TEX35: variants seen among roughly 807,000 people sequenced by gnomAD.
TEX35 encodes testis-expressed protein 35.
TEX35 carries 26 observed loss-of-function variants against 31.9 expected under a neutral mutation model. That is an observed-to-expected ratio of 0.81 (90% CI 0.60 to 1.13). TEX35 has a LOEUF of 1.13. Ranked by LOEUF, TEX35 falls within the 50% of genes most tolerant of loss-of-function variation. TEX35 has a pLI of 0.00. For missense variants in TEX35, 278 were observed against 273.5 expected (o/e 1.02, Z -0.12); for synonymous variants, 87 against 90.7 (o/e 0.96, Z 0.23).
At chr1:178,513,979 C>T (rs758099798) in intron 1 of TEX35, 48 bp from the exon 2 acceptor site, 3 of 1,603,896 alleles carry the variant, frequency 1.9e-6, no homozygotes, top group South Asian at 1.1e-5. Flanking sequence ...GTTCTCCTCC[C>T]CAATCCTGAT....
In TEX35 at chr1:178,522,487, A is replaced by G. The variant is rs1482570812; in HGVS notation, c.*47A>G. ...TGAGAGTAAAGAAGATACAGAGCAA[A>G]CAGTGTTTCAGAAACTGTCCTGCCC... On this transcript the variant is annotated 3_prime_UTR_variant, in exon 9 of 9. Transcript: ENST00000319416. The G allele has an allele frequency of 6.5e-7, 1 of 1,536,866 alleles. No individual in the cohort carries two copies. Among genetic ancestry groups the G allele is most frequent in the East Asian group, 2.4e-5 (1 of 40,912 alleles).
Position 178,513,172 on chromosome 1 carries a change from C to G in TEX35, c.-17C>G. ...GGCTGTTGTGGGGAGTTGAAGAACA[C>G]CCTGGCCTCCTCCATCATGTCGGCC... On this transcript the variant is annotated 5_prime_UTR_variant, in exon 1 of 9. Coordinates refer to ENST00000319416, the MANE Select transcript of TEX35 (RefSeq NM_032126.5). 1 of 1,613,976 alleles carries G rather than the reference C, an allele frequency of 6.2e-7. No homozygotes were observed. Among genetic ancestry groups the G allele is most frequent in the South Asian group, 1.1e-5 (1 of 91,074 alleles).
rs1649977059 is a variant in TEX35, at chr1:178,514,065, A to T, written c.78A>T (p.Pro26=). The stretch of plus-strand genomic sequence containing the variant: ...AGGCAGTTTGCCTGGAATTGAAGCC[A>T]GAGCCGACCAAAGTAAGAAGCCCTT... ...NYKAVCLELK[P]EPTKTFDYKA... The change falls in exon 2 of 9, where the codon CCA becomes CCT. Residue 26 remains proline, a synonymous_variant. Transcript: ENST00000319416. 6.2e-7 allele frequency: 1 copy of T among 1,614,114 alleles called. No individual in the cohort carries two copies. Among genetic ancestry groups the T allele is most frequent in the Admixed American group, 1.7e-5 (1 of 60,006 alleles).
In TEX35 at chr1:178,520,826, A is replaced by G; in HGVS notation, c.495A>G (p.Lys165=). ...ACAAGAAGACGATGGCACCACAAAA[A>G]ACAAAACAGGGCTCACTGGATCCCC... ...ALHKKTMAPQ[K]TKQGSLDPLH... is the part of the protein sequence containing the mutation. Residue 165 remains lysine, a synonymous_variant, in exon 7 of 9, where the codon AAA becomes AAG. Transcript: ENST00000319416. 2 of 1,614,122 alleles carry G rather than the reference A, an allele frequency of 1.2e-6. No homozygotes were observed. The highest frequency in any genetic ancestry group is 8.5e-7 in the Non-Finnish European group (1 of 1,180,022).
At chr1:178,523,260 A>G (rs894616331), downstream of TEX35, 1 of 699,638 alleles carries the variant, frequency 1.4e-6, no homozygotes, top group Admixed American at 2.0e-5. Context: ...CAAATGTGAG[A>G]GTGCAGATAT....
rs144092521 is a variant in TEX35 at position 178,522,283 on chromosome 1, C to T, written c.587-42C>T. The T allele has an allele frequency of 3.1e-4, 472 of 1,533,746 alleles. 1 individual carries two copies. In the African/African-American group the frequency reaches 5.9e-3, roughly 19 times the overall value. ...TTGGGTTCTGGGGATCCACCCTTCT[C>T]ACCCCCTTGAAGGTTTCCTCTCCCT... On this transcript the variant is annotated intron_variant, in intron 8 of 8. Transcript: ENST00000319416.
intron 8 of TEX35, chr1:178,521,629 G>T (rs1158835826): frequency 6.4e-7 from 1 of 1,552,300 alleles, no homozygotes; most frequent in Non-Finnish European, 8.7e-7. Context: ...TGATTTATCT[G>T]TACCTCAACC....
intron 5 of TEX35, among the ~76,000 whole-genome samples, chr1:178,518,673 A>T (rs1650162918): frequency 6.6e-6 from 1 of 152,230 alleles, no homozygotes; most frequent in Admixed American, 6.5e-5. Context: ...AGGGGTTCAT[A>T]GCAGTTATTT....
chr1:178,521,923 A>G, intron 8 of TEX35: 1 of 1,269,272 alleles, frequency 7.9e-7, no homozygotes, highest in Non-Finnish European at 1.1e-6. Context: ...CTGCTTCCTG[A>G]TGGATTGGTG....
rs1235681414 is a variant in TEX35 at position 178,520,675 on chromosome 1, C to G, written c.344C>G (p.Pro115Arg). 3.1e-6 allele frequency: 5 copies of G among 1,613,792 alleles called. No homozygotes were observed. The highest frequency in any genetic ancestry group is 3.4e-6 in the Non-Finnish European group (4 of 1,179,894). ...CCTCCCTGGCCCTCCTCCCCCAGTC[C>G]CCTTAGAAGAGCACCAAAGGAGCAG... ...LINTQKNYKLPLRRAPKEQQE... is the reference protein window; with the variant it reads ...LINTQKNYKLRLRRAPKEQQE... Residue 115 changes from proline to arginine, a missense_variant and splice_region_variant, in exon 7 of 9, where the codon CCC becomes CGC. Pro to Arg is a moderately radical substitution (Grantham distance 103). Transcript: ENST00000319416.
chr1:178,515,972 C>A, intron 4 of TEX35, 57 bp downstream of exon 4: 2 of 1,385,096 alleles, frequency 1.4e-6, no homozygotes, highest in Non-Finnish European at 2.0e-6. Flanking sequence ...AGGAAAAATG[C>A]AATCCTTAAG....
At chr1:178,522,721 C>T, downstream of TEX35, 4 of 1,036,940 alleles carry the variant, frequency 3.9e-6, no homozygotes, top group Non-Finnish European at 4.7e-6. Context: ...TTATGGGGTA[C>T]ATGAGATGTT....
In TEX35 at chr1:178,513,148, G is replaced by T. The variant is rs751682374; in HGVS notation, c.-41G>T. 1 of 1,610,074 alleles carries T rather than the reference G, an allele frequency of 6.2e-7. No homozygotes were observed. The highest frequency in any genetic ancestry group is 1.7e-5 in the Admixed American group (1 of 60,026). The stretch of plus-strand genomic sequence containing the variant: ...CTAGGACAGTGGCCTGGTCCCAGGG[G>T]CTGTTGTGGGGAGTTGAAGAACACC... On this transcript the variant is annotated 5_prime_UTR_variant, in exon 1 of 9. Transcript: ENST00000319416.
chr1:178,513,303 G>C, intron 1 of TEX35, 76 bp downstream of exon 1: 1 of 1,565,664 alleles, frequency 6.4e-7, no homozygotes, highest in Non-Finnish European at 8.8e-7. Flanking sequence ...CGGGGCAAGG[G>C]ATACAGAGAA....
chr1:178,515,958 C>G (rs779505899), intron 4 of TEX35, 43 bp downstream of exon 4: 1 of 1,498,102 alleles, frequency 6.7e-7, no homozygotes, highest in African/African-American at 1.4e-5. Context: ...GAAAGTGTAG[C>G]TTCAGGAAAA....
chr1:178,518,349 C>A (rs1650153994), intron 5 of TEX35, among the ~76,000 whole-genome samples: 1 of 152,100 alleles, frequency 6.6e-6, no homozygotes. Flanking sequence ...GTCAATTTCA[C>A]TTCTTAGAAT....
intron 5 of TEX35, 49 bp downstream of exon 5, chr1:178,516,723 T>G: frequency 2.2e-6 from 3 of 1,371,660 alleles, no homozygotes; most frequent in Non-Finnish European, 3.0e-6. Context: ...TACTGGAAAC[T>G]GTGGAAGAGA....
intron 5 of TEX35, 54 bp from the exon 6 acceptor site, chr1:178,520,318 G>C: frequency 6.4e-7 from 1 of 1,551,676 alleles, no homozygotes; most frequent in Non-Finnish European, 8.8e-7. Flanking sequence ...CAGGAGGAAG[G>C]TATTTCCAAA....
Position 178,520,674 on chromosome 1 carries a change from C to G in TEX35, c.343C>G (p.Pro115Ala). 6.2e-7 allele frequency: 1 copy of G among 1,613,752 alleles called. No individual in the cohort carries two copies. The highest frequency in any genetic ancestry group is 8.5e-7 in the Non-Finnish European group (1 of 1,179,862). ...LINTQKNYKL[P>A]LRRAPKEQQE... Reference sequence around the variant, plus strand: ...CCCTCCCTGGCCCTCCTCCCCCAGTCCCCTTAGAAGAGCACCAAAGGAGCA... The same window carrying G: ...CCCTCCCTGGCCCTCCTCCCCCAGTGCCCTTAGAAGAGCACCAAAGGAGCA... Residue 115 changes from proline (P) to alanine (A), a missense_variant and splice_region_variant, in exon 7 of 9, where the codon CCC becomes GCC. Pro to Ala is a conservative substitution (Grantham distance 27). Coordinates refer to ENST00000319416, the MANE Select transcript of TEX35 (RefSeq NM_032126.5).
Sources: allele counts gnomAD v4.1 joint callset (sites outside exome capture counted in the v4.1 genomes callset), GRCh38; gene constraint gnomAD v4.1.1; transcripts MANE v1.5; gene names NCBI Gene and HGNC (gene_info 2026-07-23, HGNC 2026-07-21).